Variants in ABCA10 observed in about 807,000 individuals in gnomAD.
ABCA10 encodes ATP-binding cassette sub-family A member 10.
In ABCA10, 169 loss-of-function variants were observed where a neutral mutation model predicts 187.5. That is an observed-to-expected ratio of 0.90 (90% CI 0.80 to 1.02). The LOEUF (loss-of-function observed/expected upper bound fraction) is 1.02. Among genes scored for constraint, ABCA10 ranks in the 50% least tolerant of loss-of-function variants. The pLI, the probability that ABCA10 is intolerant of heterozygous loss-of-function variation, is 0.00. For missense variants in ABCA10, 1,727 were observed against 1,812.4 expected (o/e 0.95, Z 0.86); for synonymous variants, 574 against 601.8 (o/e 0.95, Z 0.68).
intron 22 of ABCA10, among the ~76,000 whole-genome samples, chr17:69,177,392 T>C (rs2074342014): frequency 6.6e-6 from 1 of 152,314 alleles, no homozygotes; most frequent in East Asian, 1.9e-4. Flanking sequence ...CAGACACTTT[T>C]GTTAGCTTCT....
chr17:69,217,767 T>C (rs2074717160), intron 6 of ABCA10, among the ~76,000 whole-genome samples: 1 of 152,190 alleles, frequency 6.6e-6, no homozygotes, highest in African/African-American at 2.4e-5. Flanking sequence ...CTTGGGATAC[T>C]TGCATTTGGC....
At chr17:69,212,671 G>C (rs990938978) in intron 9 of ABCA10, among the ~76,000 whole-genome samples, 1 of 152,180 alleles carries the variant, frequency 6.6e-6, no homozygotes, top group African/African-American at 2.4e-5. Context: ...ATTTAGGACT[G>C]TGACATTTTC....
intron 27 of ABCA10, among the ~76,000 whole-genome samples, chr17:69,162,695 T>C (rs993116228): frequency 1.1e-4 from 16 of 152,096 alleles, no homozygotes; most frequent in African/African-American, 3.9e-4. Context: ...GATACTTCAA[T>C]GACAAGGTTA....
intron 5 of ABCA10, among the ~76,000 whole-genome samples, chr17:69,220,548 C>T (rs960758787): frequency 1.1e-4 from 17 of 152,194 alleles, no homozygotes; most frequent in East Asian, 7.7e-4. Context: ...TCCCCAGTTC[C>T]TTTTACTCAG....
intron 22 of ABCA10, among the ~76,000 whole-genome samples, chr17:69,176,924 A>G (rs2074339263): frequency 6.6e-6 from 1 of 152,056 alleles, no homozygotes; most frequent in Non-Finnish European, 1.5e-5. Flanking sequence ...CTAAAGAGAT[A>G]CCTTTTTTCT....
chr17:69,168,493 C>G (rs4968845), intron 25 of ABCA10, among the ~76,000 whole-genome samples: 140,405 of 152,308 alleles, frequency 0.92, 64,911 homozygotes, highest in East Asian at 1. Context: ...GAAGGGCAAA[C>G]AATAAGGAGG....
chr17:69,199,476 G>A lies in ABCA10; in HGVS notation c.1175+2024C>T, dbSNP rs570696204. Among the ~76,000 whole-genome samples the A allele has an allele frequency of 5.3e-5, 8 of 152,278 alleles. No homozygotes were observed. In the East Asian group the frequency reaches 1.4e-3, roughly 26 times the overall value. On this transcript the variant is annotated intron_variant, in intron 10 of 38. Transcript: ENST00000690296. ...AGGCATGTTAGGCCACTTCCTATAG[G>A]ATGTTCCCTCTATCTCTAGGTACAT...
At chr17:69,227,755 A>G (rs1402245509) in intron 1 of ABCA10, among the ~76,000 whole-genome samples, 1 of 151,954 alleles carries the variant, frequency 6.6e-6, no homozygotes, top group Non-Finnish European at 1.5e-5. Flanking sequence ...CATGTATTTG[A>G]TATCTTGTTA....
chr17:69,241,484 C>T (rs1372385496), intron 1 of ABCA10, among the ~76,000 whole-genome samples: 2 of 152,194 alleles, frequency 1.3e-5, no homozygotes, highest in Non-Finnish European at 2.9e-5. Context: ...GACTTCTGAT[C>T]TCATTGAATG....
chr17:69,212,974 C>T (rs977855589), intron 9 of ABCA10, among the ~76,000 whole-genome samples: 3 of 152,202 alleles, frequency 2.0e-5, no homozygotes, highest in Non-Finnish European at 2.9e-5. Flanking sequence ...ATGTGAGGTA[C>T]TATGCTATTC....
intron 36 of ABCA10, among the ~76,000 whole-genome samples, chr17:69,151,686 T>C (rs1307962933): frequency 2.0e-5 from 3 of 152,212 alleles, no homozygotes; most frequent in South Asian, 2.1e-4. Context: ...ATGCAATTTA[T>C]ATTCAGCAAA....
chr17:69,163,977 T>C (rs2074237215), intron 27 of ABCA10, 97 bp downstream of exon 27: 3 of 860,862 alleles, frequency 3.5e-6, no homozygotes, highest in South Asian at 2.4e-5. Flanking sequence ...AAAGAGTGGG[T>C]ATTTTAAGAC....
chr17:69,175,531 A>G lies in ABCA10; in HGVS notation c.2770-18T>C. 1 of 1,553,434 alleles carries G rather than the reference A, an allele frequency of 6.4e-7. No homozygotes were observed. Among genetic ancestry groups the G allele is most frequent in the Non-Finnish European group, 8.8e-7 (1 of 1,136,038 alleles). On this transcript the variant is annotated intron_variant, in intron 22 of 38. Coordinates refer to ENST00000690296, the MANE Select transcript of ABCA10 (RefSeq NM_001377321.1). ...ATGTCATCCTGAAAGATGAAAACAC[A>G]TCAGTAAGCTGTTGCAATTGTTACA...
intron 25 of ABCA10, 72 bp from the exon 26 acceptor site, chr17:69,165,155 AC>A (rs1477576291): frequency 7.8e-7 from 1 of 1,281,040 alleles, no homozygotes; most frequent in East Asian, 2.5e-5. Flanking sequence ...CCTGTGAATA[AC>A]CTGTTTTCCT....
chr17:69,224,908 C>A (rs890344283), intron 3 of ABCA10, among the ~76,000 whole-genome samples: 33 of 152,134 alleles, frequency 2.2e-4, no homozygotes, highest in African/African-American at 8.0e-4. Context: ...ATACTGGGAA[C>A]TATATTTATT....
chr17:69,173,233 G>T (rs558486171), intron 25 of ABCA10, among the ~76,000 whole-genome samples: 26 of 152,248 alleles, frequency 1.7e-4, no homozygotes, highest in African/African-American at 6.0e-4. Context: ...GATAAAACTG[G>T]CCCAAGGAAT....
chr17:69,199,096 C>A (rs1006728087), intron 10 of ABCA10, among the ~76,000 whole-genome samples: 2 of 152,144 alleles, frequency 1.3e-5, no homozygotes, highest in Admixed American at 1.3e-4. Context: ...ATGCCATATC[C>A]CCTGTGTGGA....
At chr17:69,172,376 C>T (rs1295401274) in intron 25 of ABCA10, among the ~76,000 whole-genome samples, 8 of 152,046 alleles carry the variant, frequency 5.3e-5, no homozygotes, top group Admixed American at 5.2e-4. Flanking sequence ...GAGTCCCTAA[C>T]CCAATGTGAC....
In ABCA10 at chr17:69,191,291, G is replaced by C. The variant is rs1271908141; in HGVS notation, c.1896C>G (p.Asp632Glu). ...HLSLHRNEMC[D>E]TEKITSLIKQ... ...TAATAAGGGATGTGATTTTTTCTGT[G>C]TCACACATTTCATTCCTGTGTAAAC... Residue 632 changes from aspartate to glutamate, a missense_variant, in exon 17 of 39, where the codon GAC becomes GAG. Coordinates refer to ENST00000690296, the MANE Select transcript of ABCA10 (RefSeq NM_001377321.1). The C allele has an allele frequency of 6.9e-6, 11 of 1,589,880 alleles. No individual in the cohort carries two copies. The highest frequency in any genetic ancestry group is 1.7e-5 in the Admixed American group (1 of 58,068).
Sources: gnomAD v4.1 joint callset for allele counts (sites outside exome capture counted in the v4.1 genomes callset) on GRCh38, gnomAD v4.1.1 for gene constraint, MANE v1.5 for transcripts, NCBI Gene and HGNC (gene_info 2026-07-23, HGNC 2026-07-21) for gene names.